The following TSGA10 variants were observed in gnomAD, a reference collection of about 807,000 sequenced individuals.
TSGA10 encodes the protein testis specific 10, also known as testis-specific gene 10 protein.
In TSGA10, 43 loss-of-function variants were observed where a neutral mutation model predicts 96.6. The observed-to-expected ratio is 0.44, with a 90% CI of 0.35 to 0.57. The LOEUF (loss-of-function observed/expected upper bound fraction) is 0.57. TSGA10 is among the 20% of genes least tolerant of loss of function. TSGA10 has a pLI of 0.01. For missense variants in TSGA10, 703 were observed against 834.4 expected (o/e 0.84, Z 1.94); for synonymous variants, 229 against 269.9 (o/e 0.85, Z 1.48).
At chr2:99,009,787 G>A (rs149008974) in intron 20 of TSGA10, among the ~76,000 whole-genome samples, 1,632 of 152,190 alleles carry the variant, frequency 0.011, 9 homozygotes, top group Middle Eastern at 0.027. Context: ...TGAAACCTGT[G>A]GGCATGGTTT....
chr2:99,078,954 A>C (rs1386214165), intron 11 of TSGA10, 141 bp from the exon 12 acceptor site: 1 of 662,542 alleles, frequency 1.5e-6, no homozygotes, highest in Admixed American at 3.8e-5. Context: ...ACTATATCCC[A>C]AATTAAAAAA....
intron 16 of TSGA10, among the ~76,000 whole-genome samples, chr2:99,042,345 TA>T (rs2082277296): frequency 6.6e-6 from 1 of 152,066 alleles, no homozygotes; most frequent in Non-Finnish European, 1.5e-5. Flanking sequence ...TGGGGCATCC[TA>T]AAAGGGCCCC....
chr2:99,140,959 G>A (rs1234076440), intron 1 of TSGA10: 6 of 627,934 alleles, frequency 9.6e-6, no homozygotes, highest in African/African-American at 2.0e-5. Flanking sequence ...CCCGCTGCTA[G>A]CGCCCAACTC....
In TSGA10 at chr2:99,123,567, A is replaced by G. The variant is rs567859720; in HGVS notation, c.-492+3481T>C. Among the ~76,000 whole-genome samples, 243 of 152,270 alleles carry G rather than the reference A, an allele frequency of 1.6e-3. 1 individual carries two copies. Among genetic ancestry groups the G allele is most frequent in the African/African-American group, 5.6e-3 (233 of 41,564 alleles). ...ACATAATTTTCATTTTAACATTTTT[A>G]AAGTATATAATTCAGTGGCATTAAG... is the stretch of plus-strand genomic sequence containing the variant. On this transcript the variant is annotated intron_variant, in intron 2 of 20. Transcript: ENST00000393483.
chr2:99,107,258 C>T (rs2104828044), intron 7 of TSGA10, among the ~76,000 whole-genome samples: 1 of 152,246 alleles, frequency 6.6e-6, no homozygotes, highest in South Asian at 2.1e-4. Flanking sequence ...TTGCTTAGTC[C>T]CTTAATGCCT....
At chr2:99,147,410 T>C (rs1483326101) in intron 1 of TSGA10, 4 of 1,542,958 alleles carry the variant, frequency 2.6e-6, no homozygotes, top group Non-Finnish European at 3.6e-6. Context: ...AGATTTCTTC[T>C]TGAATGGCAA....
intron 17 of TSGA10, among the ~76,000 whole-genome samples, chr2:99,027,109 C>A (rs1213721371): frequency 6.6e-6 from 1 of 152,210 alleles, no homozygotes; most frequent in South Asian, 2.1e-4. Context: ...GCTCACTCAC[C>A]CACCGCTCAC....
intron 1 of TSGA10, among the ~76,000 whole-genome samples, chr2:99,153,783 G>A (rs2093718610): frequency 6.6e-6 from 1 of 152,174 alleles, no homozygotes; most frequent in South Asian, 2.1e-4. Context: ...ATAAAGAAAG[G>A]AGGTGTCATT....
intron 20 of TSGA10, among the ~76,000 whole-genome samples, chr2:99,004,111 G>A (rs1190435859): frequency 2.0e-5 from 3 of 152,074 alleles, no homozygotes; most frequent in Admixed American, 1.3e-4. Context: ...AATGATAAAG[G>A]GGATATCACC....
At chr2:99,098,614 T>TACAG (rs2090360384) in intron 10 of TSGA10, among the ~76,000 whole-genome samples, 1 of 150,466 alleles carries the variant, frequency 6.6e-6, no homozygotes, top group East Asian at 1.9e-4. Context: ...AAACAAACAA[T>TACAG]AGGATCAAAA....
chr2:99,131,889 TG>T (rs2093107225), intron 1 of TSGA10, among the ~76,000 whole-genome samples: 1 of 152,200 alleles, frequency 6.6e-6, no homozygotes, highest in South Asian at 2.1e-4. Context: ...ATGTGGTTTT[TG>T]TCATTGGTTC....
In TSGA10 at chr2:99,110,900, G is replaced by A. The variant is rs1261775625; in HGVS notation, c.-124C>T. The A allele has an allele frequency of 2.6e-6, 2 of 769,852 alleles. No homozygotes were observed. The highest frequency in any genetic ancestry group is 1.3e-4 in the East Asian group (1 of 7,734). The allele number at this position is 769,852 out of a possible 1,614,324, so 47.7% of individuals were successfully genotyped here. A position where few individuals can be genotyped will look rare whatever the true frequency, so the allele number is the denominator to read the frequency against. On this transcript the variant is annotated 5_prime_UTR_variant, in exon 5 of 21. Transcript: ENST00000393483. ...TCCAATACTATAATATTATTTTGCT[G>A]GCAAATGAGATCAATCTGAAGAAAA...
intron 1 of TSGA10, among the ~76,000 whole-genome samples, chr2:99,137,156 C>A (rs558338325): frequency 6.6e-6 from 1 of 152,066 alleles, no homozygotes; most frequent in Non-Finnish European, 1.5e-5. Flanking sequence ...TGCCACCATG[C>A]CCAGCTAACT....
Position 99,035,422 on chromosome 2 carries a change from C to A in TSGA10, c.1422G>T (p.Arg474Ser). ...REVEQHLNAE[R>S]SYKSQISTLH... is the part of the protein sequence containing the mutation. ...AGGTAGAAATCTGGGACTTGTAAGA[C>A]CTTTCTGCATTTAAGTGCTGTAAGA... Residue 474 changes from arginine (R) to serine (S), a missense_variant, in exon 17 of 21, where the codon AGG becomes AGT. By Grantham distance (110) the Arg-to-Ser change is moderately radical (BLOSUM62 -1). Coordinates refer to ENST00000393483, the MANE Select transcript of TSGA10 (RefSeq NM_025244.4). 6.2e-7 allele frequency: 1 copy of A among 1,610,298 alleles called. No individual in the cohort carries two copies. Among genetic ancestry groups the A allele is most frequent in the Non-Finnish European group, 8.5e-7 (1 of 1,177,874 alleles).
At chr2:99,059,072 A>T (rs986692648) in intron 16 of TSGA10, among the ~76,000 whole-genome samples, 2 of 105,522 alleles carry the variant, frequency 1.9e-5, no homozygotes, top group Non-Finnish European at 3.4e-5. Context: ...ATATATATTT[A>T]TATATTTTTA....
At chr2:99,144,015 T>A (rs2093604908) in intron 1 of TSGA10, among the ~76,000 whole-genome samples, 1 of 106,980 alleles carries the variant, frequency 9.3e-6, no homozygotes, top group South Asian at 3.4e-4. Flanking sequence ...TGATGCTGTG[T>A]TCCTTTTTTT....
At chr2:99,041,982 A>G (rs1213972944) in intron 16 of TSGA10, among the ~76,000 whole-genome samples, 5 of 152,130 alleles carry the variant, frequency 3.3e-5, no homozygotes, top group Admixed American at 6.6e-5. Context: ...GCAAGAAAGA[A>G]ACAAACAATC....
intron 1 of TSGA10, chr2:99,141,138 A>G: frequency 3.1e-6 from 4 of 1,273,980 alleles, no homozygotes; most frequent in Non-Finnish European, 4.1e-6. Context: ...CCCAGAGCTC[A>G]TCCCCGCGAC....
At chr2:99,072,216 GC>G (rs1029643905) in intron 13 of TSGA10, among the ~76,000 whole-genome samples, 14 of 152,150 alleles carry the variant, frequency 9.2e-5, no homozygotes, top group Non-Finnish European at 1.5e-4. Flanking sequence ...AAAAATTAAT[GC>G]TTTTCAGGGC....
Sources: allele counts gnomAD v4.1 joint callset (sites outside exome capture counted in the v4.1 genomes callset), GRCh38; gene constraint gnomAD v4.1.1; transcripts MANE v1.5; gene names NCBI Gene and HGNC (gene_info 2026-07-23, HGNC 2026-07-21).